MEI1: variants seen among roughly 807,000 people sequenced by gnomAD.
MEI1 encodes the protein meiotic double-stranded break formation protein 1.
MEI1 carries 103 observed loss-of-function variants against 146.2 expected under a neutral mutation model. That is an observed-to-expected ratio of 0.70 (90% confidence interval 0.60 to 0.83). The LOEUF (loss-of-function observed/expected upper bound fraction) is 0.83. Ranked by LOEUF, MEI1 falls within the 40% of genes least tolerant of loss-of-function variation. The pLI, the probability that MEI1 is intolerant of heterozygous loss-of-function variation, is 0.00. For synonymous variants in MEI1, 652 were observed against 628.2 expected, an observed-to-expected ratio of 1.04 and a Z score of -0.57; for missense variants, 1,529 against 1,533.0, an observed-to-expected ratio of 1.00 and a Z score of 0.04.
At chr22:41,788,031 G>GT (rs575057232) in intron 26 of MEI1, among the ~76,000 whole-genome samples, 7 of 152,064 alleles carry the variant, frequency 4.6e-5, no homozygotes, top group Admixed American at 2.0e-4. Context: ...ACCAGTATTT[G>GT]TTTTTTTGTT....
At chr22:41,798,126 C>CAT (rs2076429465) in intron 30 of MEI1, among the ~76,000 whole-genome samples, 1 of 25,908 alleles carries the variant, frequency 3.9e-5, no homozygotes, top group Non-Finnish European at 8.3e-5. Context: ...AACACACACA[C>CAT]ACACACACAC....
intron 20 of MEI1, among the ~76,000 whole-genome samples, chr22:41,772,839 C>A (rs983507237): frequency 1.3e-5 from 2 of 152,032 alleles, no homozygotes; most frequent in African/African-American, 4.8e-5. Context: ...GACTCAAATC[C>A]CTGCACCACC....
At chr22:41,778,052 C>A (rs533807186) in intron 21 of MEI1, among the ~76,000 whole-genome samples, 158 of 151,842 alleles carry the variant, frequency 1.0e-3, no homozygotes, top group African/African-American at 3.5e-3. Context: ...CCTCCTCCTT[C>A]TCCCCTGCCC....
chr22:41,700,749 A>ATT (rs78862314), intron 1 of MEI1, among the ~76,000 whole-genome samples: 2,672 of 117,422 alleles, frequency 0.023, 203 homozygotes, highest in African/African-American at 0.072. Context: ...GCAGTTCTCA[A>ATT]TTTTTTTTTT....
intron 17 of MEI1, among the ~76,000 whole-genome samples, chr22:41,757,196 G>A (rs1009701035): frequency 2.0e-5 from 3 of 152,216 alleles, no homozygotes; most frequent in Non-Finnish European, 4.4e-5. Flanking sequence ...CTGGGTTCAC[G>A]CCATTCTCCT....
intron 26 of MEI1, among the ~76,000 whole-genome samples, chr22:41,789,876 C>A (rs2076114871): frequency 6.6e-6 from 1 of 152,152 alleles, no homozygotes; most frequent in Non-Finnish European, 1.5e-5. Context: ...CCTGTCTTAG[C>A]CTCACAGTGA....
At chr22:41,723,693 G>T (rs2071069991) in intron 6 of MEI1, among the ~76,000 whole-genome samples, 1 of 152,180 alleles carries the variant, frequency 6.6e-6, no homozygotes, top group African/African-American at 2.4e-5. Flanking sequence ...GAGTGAGGCA[G>T]TCGGGCTATG....
chr22:41,729,919 A>G (rs1235137972), intron 8 of MEI1, 140 bp downstream of exon 8: 5 of 590,056 alleles, frequency 8.5e-6, no homozygotes, highest in Non-Finnish European at 1.4e-5. Context: ...TATGACCTTG[A>G]GCAATTTGTT....
intron 9 of MEI1, 75 bp downstream of exon 9, chr22:41,730,712 T>A (rs2071779379): frequency 3.3e-6 from 3 of 914,654 alleles, no homozygotes; most frequent in Non-Finnish European, 5.5e-6. Flanking sequence ...GCCGCAGTGA[T>A]GGGGGGCTAG....
Position 41,732,490 on chromosome 22 carries a change from G to A in MEI1, c.1218G>A (p.Leu406=), listed in dbSNP as rs772288125. The change falls in exon 11 of 31, where the codon CTG becomes CTA. Residue 406 remains leucine (L), a synonymous_variant. Transcript: ENST00000401548. ...TCAGGCAGCCAGAGGAGATCAAGCT[G>A]TTCACAAGCTCAGCCATGTGCAGAG... is the stretch of plus-strand genomic sequence containing the variant. ...ILTRQPEEIK[L]FTSSAMCRDA... The A allele has an allele frequency of 6.2e-7, 1 of 1,613,932 alleles. No individual in the cohort carries two copies. The highest frequency in any genetic ancestry group is 8.5e-7 in the Non-Finnish European group (1 of 1,179,896).
chr22:41,793,917 ACT>A lies in MEI1; in HGVS notation c.3427+11_3427+12del. On this transcript the variant is annotated splice_region_variant and intron_variant, in intron 27 of 30. Coordinates refer to ENST00000401548, the MANE Select transcript of MEI1 (RefSeq NM_152513.4). ...GCCCGGAGCCCAGACATTGGTAGAA[ACT>A]CTCCACATTATCTGATGTTCCCATG... The A allele has an allele frequency of 6.2e-7, 1 of 1,609,302 alleles. No individual in the cohort carries two copies. The highest frequency in any genetic ancestry group is 1.1e-5 in the South Asian group (1 of 90,150).
intron 18 of MEI1, among the ~76,000 whole-genome samples, chr22:41,761,408 G>C (rs531884200): frequency 2.4e-4 from 36 of 149,922 alleles, no homozygotes; most frequent in African/African-American, 8.8e-4. Context: ...TCTGCCTCCC[G>C]GGTTCACGCC....
chr22:41,704,000 A>C (rs1228826457), intron 2 of MEI1, among the ~76,000 whole-genome samples: 1 of 152,180 alleles, frequency 6.6e-6, no homozygotes, highest in Non-Finnish European at 1.5e-5. Context: ...AAAAATAAAA[A>C]TTCTTCAAAG....
At chr22:41,738,658 G>C (rs2072592140) in intron 11 of MEI1, among the ~76,000 whole-genome samples, 1 of 151,674 alleles carries the variant, frequency 6.6e-6, no homozygotes. Flanking sequence ...TGTAATCCCA[G>C]TTACTTGCGA....
chr22:41,784,215 C>T, intron 24 of MEI1, 124 bp from the exon 25 acceptor site: 1 of 821,352 alleles, frequency 1.2e-6, no homozygotes. Flanking sequence ...TGTGTGGCCT[C>T]CTCCGTCCCC....
chr22:41,722,282 A>G (rs1177117697), intron 6 of MEI1, among the ~76,000 whole-genome samples: 1 of 151,524 alleles, frequency 6.6e-6, no homozygotes, highest in Non-Finnish European at 1.5e-5. Flanking sequence ...CAAGATCCTC[A>G]TAAGTTCTTA....
chr22:41,729,667 T>C lies in MEI1; in HGVS notation c.867T>C (p.Leu289=), dbSNP rs1569196396. The C allele has an allele frequency of 1.2e-6, 2 of 1,606,336 alleles. No individual in the cohort carries two copies. Among genetic ancestry groups the C allele is most frequent in the African/African-American group, 2.7e-5 (2 of 74,782 alleles). The change falls in exon 8 of 31, where the codon CTT becomes CTC. Residue 289 remains leucine (L), a splice_region_variant and synonymous_variant. Coordinates refer to ENST00000401548, the MANE Select transcript of MEI1 (RefSeq NM_152513.4). The part of the protein sequence containing the change: ...NTSLPLVLKK[L]LLSRDETLQV... ...CTTTTTGCTGCCTGTTTCTCCAGCT[T>C]CTCCTCTCTAGAGATGAAACCCTGC... is the stretch of plus-strand genomic sequence containing the variant.
intron 20 of MEI1, among the ~76,000 whole-genome samples, chr22:41,775,027 A>G (rs2075369645): frequency 6.6e-6 from 1 of 152,170 alleles, no homozygotes; most frequent in Non-Finnish European, 1.5e-5. Context: ...CCTTGGATTC[A>G]TAACCCTCAG....
intron 11 of MEI1, among the ~76,000 whole-genome samples, chr22:41,738,381 G>A (rs1003614053): frequency 6.6e-6 from 1 of 152,164 alleles, no homozygotes; most frequent in Non-Finnish European, 1.5e-5. Flanking sequence ...GAGGTCAGGA[G>A]TTCGAGAACA....
Sources: gnomAD v4.1 joint callset for allele counts (sites outside exome capture counted in the v4.1 genomes callset) on GRCh38, gnomAD v4.1.1 for gene constraint, MANE v1.5 for transcripts, NCBI Gene and HGNC (gene_info 2026-07-23, HGNC 2026-07-21) for gene names.